HPSE2: variants seen among roughly 807,000 people sequenced by gnomAD.
HPSE2 encodes the protein inactive heparanase-2.
In HPSE2, 38 loss-of-function variants were observed where a neutral mutation model predicts 60.5. The ratio of observed to expected loss-of-function variants is 0.63; its 90% CI spans 0.48 to 0.82. The LOEUF is 0.82. HPSE2 is among the 40% of genes least tolerant of loss of function. HPSE2 has a pLI of 0.00. For synonymous variants in HPSE2, 295 were observed against 293.2 expected (o/e 1.01, Z -0.06); for missense variants, 713 against 740.4 (o/e 0.96, Z 0.43).
intron 9 of HPSE2, among the ~76,000 whole-genome samples, chr10:98,603,720 G>A (rs1181791778): frequency 6.6e-6 from 1 of 152,044 alleles, no homozygotes; most frequent in African/African-American, 2.4e-5. Context: ...GAGCCACCGT[G>A]CCTGGCCTCT....
At chr10:99,165,710 C>T (rs1041254271) in intron 2 of HPSE2, among the ~76,000 whole-genome samples, 1 of 151,852 alleles carries the variant, frequency 6.6e-6, no homozygotes, top group Non-Finnish European at 1.5e-5. Flanking sequence ...CCATGCCCCG[C>T]TAATTTTTGT....
chr10:99,143,689 T>C (rs17111219), intron 3 of HPSE2, among the ~76,000 whole-genome samples: 5,515 of 152,276 alleles, frequency 0.036, 302 homozygotes, highest in African/African-American at 0.11. Flanking sequence ...TTGAAAAAAG[T>C]TGATTCTCCT....
At chr10:98,583,819 G>A (rs1178730358) in intron 9 of HPSE2, among the ~76,000 whole-genome samples, 1 of 152,108 alleles carries the variant, frequency 6.6e-6, no homozygotes, top group African/African-American at 2.4e-5. Flanking sequence ...GTTCATCCAC[G>A]CTGTAGCATG....
rs1401047241 is a variant in HPSE2, at chr10:98,559,886, CAG to C, written c.1320+55016_1320+55017del. Among the ~76,000 whole-genome samples, 3 of 152,062 alleles carry C rather than the reference CAG, an allele frequency of 2.0e-5. 1 individual carries two copies. The highest frequency in any genetic ancestry group is 4.1e-4 in the South Asian group (2 of 4,826). ...TAAAACTGGCAGCTATTTAGATTTG[CAG>C]AGAGTAAAGGAGACTCTTCCAGACA... is the stretch of plus-strand genomic sequence containing the variant. On this transcript the variant is annotated intron_variant, in intron 9 of 11. Transcript: ENST00000370552.
chr10:98,480,150 G>A (rs997596158), intron 11 of HPSE2, among the ~76,000 whole-genome samples: 1 of 151,090 alleles, frequency 6.6e-6, no homozygotes, highest in African/African-American at 2.4e-5. Flanking sequence ...GTGCAGTGGT[G>A]TGATCTCAGC....
chr10:98,973,089 G>T (rs562477784), intron 3 of HPSE2, among the ~76,000 whole-genome samples: 1 of 152,230 alleles, frequency 6.6e-6, no homozygotes, highest in East Asian at 1.9e-4. Context: ...TACAAGAACT[G>T]CAGTGATTTC....
At chr10:98,949,250 G>GCACA (rs35314282) in intron 3 of HPSE2, among the ~76,000 whole-genome samples, 1,795 of 150,928 alleles carry the variant, frequency 0.012, 30 homozygotes, top group African/African-American at 0.039. Context: ...ACGCATGCGT[G>GCACA]CACACACACA....
At chr10:98,667,875 G>A (rs542874) in intron 6 of HPSE2, among the ~76,000 whole-genome samples, 105,924 of 152,058 alleles carry the variant, frequency 0.7, 39,834 homozygotes, top group South Asian at 0.93. Context: ...GGAACAAGAC[G>A]AGGATGCCCA....
At chr10:98,894,592 A>C (rs1466862337) in intron 3 of HPSE2, among the ~76,000 whole-genome samples, 2 of 152,132 alleles carry the variant, frequency 1.3e-5, no homozygotes, top group Non-Finnish European at 2.9e-5. Flanking sequence ...ACATGCATAG[A>C]AAGTCAAAGA....
intron 3 of HPSE2, among the ~76,000 whole-genome samples, chr10:99,078,377 G>T (rs1472297997): frequency 6.6e-6 from 1 of 152,064 alleles, no homozygotes; most frequent in African/African-American, 2.4e-5. Context: ...TATAATATGG[G>T]ATGGTATTTG....
chr10:98,504,270 T>C (rs1942121857), intron 9 of HPSE2, among the ~76,000 whole-genome samples: 1 of 152,234 alleles, frequency 6.6e-6, no homozygotes. Context: ...TTCAGGACTA[T>C]TTCTGTTATT....
At chr10:98,626,932 C>CCCAGCTAATTTTTTGTATTTT (rs1458212021) in intron 7 of HPSE2, among the ~76,000 whole-genome samples, 4 of 152,128 alleles carry the variant, frequency 2.6e-5, no homozygotes, top group African/African-American at 9.7e-5. Flanking sequence ...CACCACCACG[C>CCCAGCTAATTTTTTGTATTTT]CCAGCTAATT....
At chr10:99,249,710 C>G in the HPSE2 span, among the ~76,000 whole-genome samples, 1 of 152,104 alleles carries the variant, frequency 6.6e-6, no homozygotes, top group African/African-American at 2.4e-5. Context: ...GGATTTGTGT[C>G]CCTGCCCAAA....
chr10:99,185,592 G>A (rs1847974364), intron 2 of HPSE2, among the ~76,000 whole-genome samples: 1 of 151,912 alleles, frequency 6.6e-6, no homozygotes, highest in Admixed American at 6.6e-5. Flanking sequence ...GGATAACACA[G>A]TGAAACCCCA....
At chr10:99,223,434 C>G (rs565788452) in intron 2 of HPSE2, among the ~76,000 whole-genome samples, 1 of 152,010 alleles carries the variant, frequency 6.6e-6, no homozygotes, top group African/African-American at 2.4e-5. Context: ...TTACCTTTTC[C>G]CAGCTTTCTA....
chr10:98,758,745 A>G (rs1404985587), intron 3 of HPSE2, among the ~76,000 whole-genome samples: 1 of 152,214 alleles, frequency 6.6e-6, no homozygotes, highest in East Asian at 1.9e-4. Flanking sequence ...TAGGAATGCA[A>G]ATTAGTTCAG....
Position 98,490,077 on chromosome 10 carries a change from A to C in HPSE2, c.1440T>G (p.Ile480Met). 1 of 1,614,224 alleles carries C rather than the reference A, an allele frequency of 6.2e-7. No homozygotes were observed. The highest frequency in any genetic ancestry group is 8.5e-7 in the Non-Finnish European group (1 of 1,180,042). ...PGRVIRDKLR[I>M]YAHCTNHHNH... is the part of the protein sequence containing the mutation. Reference sequence around the variant, plus strand: ...TGTGGTGGTTTGTGCAGTGAGCATAAATCCTTAGTTTGTCCCGGATCACTC... The same window carrying C: ...TGTGGTGGTTTGTGCAGTGAGCATACATCCTTAGTTTGTCCCGGATCACTC... Residue 480 changes from isoleucine (I) to methionine (M), a missense_variant, in exon 10 of 12, where the codon ATT becomes ATG. Transcript: ENST00000370552.
the HPSE2 span, among the ~76,000 whole-genome samples, chr10:99,255,563 TACACAC>T: frequency 2.9e-3 from 427 of 147,420 alleles, 5 homozygotes; most frequent in East Asian, 8.9e-3. Context: ...CATGCACACA[TACACAC>T]ACACACACAC....
chr10:99,107,565 T>G (rs895556407), intron 3 of HPSE2, among the ~76,000 whole-genome samples: 5 of 152,214 alleles, frequency 3.3e-5, no homozygotes, highest in African/African-American at 1.2e-4. Flanking sequence ...TATATTTTTA[T>G]TTTGCATTTA....
Sources: gnomAD v4.1 joint callset for allele counts (sites outside exome capture counted in the v4.1 genomes callset) on GRCh38, gnomAD v4.1.1 for gene constraint, MANE v1.5 for transcripts, NCBI Gene and HGNC (gene_info 2026-07-23, HGNC 2026-07-21) for gene names.